The following ABTB3 variants were observed in gnomAD, a reference collection of about 807,000 sequenced individuals.
ABTB3 encodes the protein ankyrin repeat and BTB domain containing 3, also known as ankyrin repeat- and BTB/POZ domain-containing protein 3.
At chr12:107,524,707 A>C in the ABTB3 span, among the ~76,000 whole-genome samples, 1 of 152,220 alleles carries the variant, frequency 6.6e-6, no homozygotes, top group Non-Finnish European at 1.5e-5. Flanking sequence ...AATGGCTCAA[A>C]ATTGAATCCA....
the ABTB3 span, among the ~76,000 whole-genome samples, chr12:107,508,718 G>A: frequency 9.1e-4 from 139 of 152,058 alleles, no homozygotes; most frequent in African/African-American, 3.2e-3. Flanking sequence ...AAAGTGCTGG[G>A]ATTACAGGCG....
At chr12:107,367,464 G>GCT in the ABTB3 span, among the ~76,000 whole-genome samples, 9 of 151,764 alleles carry the variant, frequency 5.9e-5, no homozygotes, top group East Asian at 9.7e-4. Context: ...TTATGCAAGG[G>GCT]CTCTCTCTCT....
At chr12:107,547,552 C>A in the ABTB3 span, among the ~76,000 whole-genome samples, 1 of 152,198 alleles carries the variant, frequency 6.6e-6, no homozygotes, top group African/African-American at 2.4e-5. Context: ...GCAAAGAGAA[C>A]ATGTCCCAGA....
the ABTB3 span, chr12:107,657,570 T>TC: frequency 6.2e-7 from 1 of 1,614,174 alleles, no homozygotes; most frequent in Admixed American, 1.7e-5. Flanking sequence ...AACATGATGG[T>TC]CCTCATTGAA....
the ABTB3 span, among the ~76,000 whole-genome samples, chr12:107,402,590 T>A: frequency 6.6e-6 from 1 of 152,168 alleles, no homozygotes; most frequent in Non-Finnish European, 1.5e-5. Flanking sequence ...TTTGCTCTTA[T>A]TCAGTCTTGC....
the ABTB3 span, among the ~76,000 whole-genome samples, chr12:107,575,774 G>T: frequency 1.3e-5 from 2 of 152,080 alleles, no homozygotes; most frequent in Non-Finnish European, 2.9e-5. Context: ...CCACCTGGAG[G>T]CTCCTGAACT....
chr12:107,555,396 C>T, the ABTB3 span, among the ~76,000 whole-genome samples: 22 of 152,282 alleles, frequency 1.4e-4, no homozygotes, highest in East Asian at 1.4e-3. Context: ...TGACAAGCTA[C>T]GAGGTTCAAG....
chr12:107,460,287 G>T, the ABTB3 span, among the ~76,000 whole-genome samples: 1 of 152,234 alleles, frequency 6.6e-6, no homozygotes, highest in Non-Finnish European at 1.5e-5. Context: ...CTCACTGGAA[G>T]ATGGGAAAGC....
At chr12:107,371,143 G>A in the ABTB3 span, among the ~76,000 whole-genome samples, 1 of 152,102 alleles carries the variant, frequency 6.6e-6, no homozygotes, top group Admixed American at 6.5e-5. Flanking sequence ...CCTGGGACCT[G>A]TATGTAGGCT....
the ABTB3 span, among the ~76,000 whole-genome samples, chr12:107,447,159 G>C: frequency 6.6e-6 from 1 of 151,274 alleles, no homozygotes; most frequent in Non-Finnish European, 1.5e-5. Flanking sequence ...TTCTTTTTTT[G>C]AGATGGAGTT....
At chr12:107,318,802 A>T in the ABTB3 span, 1 of 977,788 alleles carries the variant, frequency 1.0e-6, no homozygotes, top group Non-Finnish European at 1.5e-6. Flanking sequence ...GAAAGTACTA[A>T]CAGTTGGTAG....
the ABTB3 span, chr12:107,319,637 G>A: frequency 4.6e-6 from 7 of 1,536,936 alleles, no homozygotes; most frequent in Non-Finnish European, 6.1e-6. Flanking sequence ...CCACGAGCAC[G>A]CCGCCATCTA....
chr12:107,511,797 C>T, the ABTB3 span, among the ~76,000 whole-genome samples: 1 of 151,978 alleles, frequency 6.6e-6, no homozygotes, highest in Non-Finnish European at 1.5e-5. Flanking sequence ...GTCAATCTAC[C>T]CAAACAGATA....
chr12:107,470,014 C>CTCTCTCTCTCTCTCTCTTTCTT, the ABTB3 span, among the ~76,000 whole-genome samples: 1 of 65,462 alleles, frequency 1.5e-5, no homozygotes, highest in Non-Finnish European at 3.0e-5. Flanking sequence ...CTTTCTTTCT[C>CTCTCTCTCTCTCTCTCTTTCTT]TCTCTCTCTC....
chr12:107,579,649 G>A, the ABTB3 span, among the ~76,000 whole-genome samples: 3 of 152,212 alleles, frequency 2.0e-5, no homozygotes, highest in African/African-American at 7.2e-5. Context: ...TCTCAAGGGG[G>A]CTGGCTGACT....
the ABTB3 span, among the ~76,000 whole-genome samples, chr12:107,384,524 GC>G: frequency 6.6e-6 from 1 of 152,198 alleles, no homozygotes; most frequent in Admixed American, 6.5e-5. Context: ...TCTAAGAGGT[GC>G]CCGAAGGAAA....
chr12:107,395,465 G>C, the ABTB3 span, among the ~76,000 whole-genome samples: 2 of 152,174 alleles, frequency 1.3e-5, no homozygotes, highest in Non-Finnish European at 2.9e-5. Context: ...GCACTCCCCT[G>C]TGCTGTGTGC....
chr12:107,389,846 TTGTGTGTGTGTGTGTG>T, the ABTB3 span, among the ~76,000 whole-genome samples: 4 of 141,470 alleles, frequency 2.8e-5, no homozygotes, highest in Admixed American at 7.0e-5. Context: ...GTGTGTGTGT[TTGTGTGTGTGTGTGTG>T]TGTGTGTGTG....
chr12:107,577,025 G>A, the ABTB3 span, among the ~76,000 whole-genome samples: 1 of 152,176 alleles, frequency 6.6e-6, no homozygotes, highest in Non-Finnish European at 1.5e-5. Context: ...TTAGCATTGG[G>A]AAGAACTGAA....
Sources: allele counts gnomAD v4.1 joint callset (sites outside exome capture counted in the v4.1 genomes callset), GRCh38; gene constraint gnomAD v4.1.1; transcripts MANE v1.5; gene names NCBI Gene and HGNC (gene_info 2026-07-23, HGNC 2026-07-21).